PTPRD: variants seen among roughly 807,000 people sequenced by gnomAD.
The protein encoded by PTPRD is receptor-type tyrosine-protein phosphatase delta.
Under a neutral mutation model 214.5 loss-of-function variants are expected in PTPRD, and 34 were observed. The observed-to-expected ratio is 0.16, with a 90% CI of 0.12 to 0.21. The LOEUF is 0.21. Among genes scored for constraint, PTPRD ranks in the 10% least tolerant of loss-of-function variants. PTPRD has a pLI of 1.00. For missense variants in PTPRD, 2,545 were observed against 2,398.7 expected (o/e 1.06, Z -1.27); for synonymous variants, 1,128 against 845.7 (o/e 1.33, Z -5.79).
Position 8,314,251 on chromosome 9 carries a change from A to G in PTPRD, c.*3623T>C. 1 of 208,488 alleles carries G rather than the reference A, an allele frequency of 4.8e-6. No homozygotes were observed. Among genetic ancestry groups the G allele is most frequent in the Non-Finnish European group, 9.8e-6 (1 of 102,022 alleles). The allele number at this position is 208,488 out of a possible 1,614,324, so 12.9% of individuals were successfully genotyped here. A position where few individuals can be genotyped will look rare whatever the true frequency, so the allele number is the denominator to read the frequency against. On this transcript the variant is annotated 3_prime_UTR_variant, in exon 46 of 46. Transcript: ENST00000381196. ...ACAAAAGCAAAGGCCAGGGCTGCAT[A>G]ACACTGACATTTTTATTAGAATTCA...
chr9:9,876,300 A>T (rs1318679527), intron 5 of PTPRD, among the ~76,000 whole-genome samples: 1 of 152,154 alleles, frequency 6.6e-6, no homozygotes, highest in Non-Finnish European at 1.5e-5. Context: ...AATCCTACTA[A>T]ATGAAACAAT....
chr9:9,770,933 T>C (rs534033917), intron 5 of PTPRD, among the ~76,000 whole-genome samples: 305 of 152,248 alleles, frequency 2.0e-3, no homozygotes, highest in Non-Finnish European at 3.8e-3. Context: ...TACTTGGAAA[T>C]GGTCAAATAT....
intron 2 of PTPRD, among the ~76,000 whole-genome samples, chr9:10,485,858 T>A (rs1589239975): frequency 6.6e-6 from 1 of 152,114 alleles, no homozygotes; most frequent in African/African-American, 2.4e-5. Context: ...ATTGTTCAGT[T>A]TATTGGCAGG....
intron 5 of PTPRD, among the ~76,000 whole-genome samples, chr9:9,784,441 A>G (rs2098899887): frequency 6.6e-6 from 1 of 152,084 alleles, no homozygotes; most frequent in African/African-American, 2.4e-5. Flanking sequence ...GGAAAAAGAT[A>G]TTATTTTAAG....
At chr9:9,668,405 G>C (rs1023140246) in intron 7 of PTPRD, among the ~76,000 whole-genome samples, 1 of 152,096 alleles carries the variant, frequency 6.6e-6, no homozygotes, top group Non-Finnish European at 1.5e-5. Context: ...AATTAGGCCT[G>C]ATTTGGTTAC....
intron 5 of PTPRD, among the ~76,000 whole-genome samples, chr9:9,786,316 T>C: frequency 6.6e-6 from 1 of 152,218 alleles, no homozygotes; most frequent in East Asian, 1.9e-4. Flanking sequence ...TGAGAATTAT[T>C]GATACATTTG....
chr9:10,421,984 T>C (rs568962916), intron 2 of PTPRD, among the ~76,000 whole-genome samples: 1 of 152,000 alleles, frequency 6.6e-6, no homozygotes, highest in Admixed American at 6.6e-5. Context: ...TCATTCATTA[T>C]AGAAATATTC....
chr9:9,349,744 G>A (rs1477019557), intron 9 of PTPRD, among the ~76,000 whole-genome samples: 1 of 150,232 alleles, frequency 6.7e-6, no homozygotes, highest in African/African-American at 2.5e-5. Flanking sequence ...CACTTAAGTG[G>A]CACCCATCAC....
intron 2 of PTPRD, among the ~76,000 whole-genome samples, chr9:10,537,486 T>C (rs1262797262): frequency 6.6e-6 from 1 of 152,168 alleles, no homozygotes; most frequent in Non-Finnish European, 1.5e-5. Flanking sequence ...AAATTGGGCA[T>C]TAACATAAAC....
chr9:10,143,342 T>C (rs1397048160), intron 3 of PTPRD, among the ~76,000 whole-genome samples: 1 of 151,690 alleles, frequency 6.6e-6, no homozygotes, highest in East Asian at 1.9e-4. Flanking sequence ...GAAATGCAAA[T>C]CAAAACCACA....
intron 11 of PTPRD, among the ~76,000 whole-genome samples, chr9:8,803,671 C>T (rs1355900623): frequency 1.3e-5 from 2 of 151,816 alleles, no homozygotes; most frequent in East Asian, 3.9e-4. Context: ...CTACAGAAAG[C>T]TGTGATCGGC....
At position 8,726,986 on chromosome 9, in the gene PTPRD, G is replaced by A. The variant is rs998906416; in HGVS notation, c.64+6794C>T. Among the ~76,000 whole-genome samples the A allele has an allele frequency of 3.1e-4, 47 of 151,228 alleles. 2 individuals carry two copies. On this transcript the variant is annotated intron_variant, in intron 12 of 45. Coordinates refer to ENST00000381196, the MANE Select transcript of PTPRD (RefSeq NM_002839.4). ...CAGACCCTGTCTCAAAAAAGAAAGG[G>A]AAAAGAAAAAGAAGTAGATCAGGTA... is the stretch of plus-strand genomic sequence containing the variant.
At chr9:9,840,533 G>A (rs2058041060) in intron 5 of PTPRD, among the ~76,000 whole-genome samples, 1 of 151,910 alleles carries the variant, frequency 6.6e-6, no homozygotes, top group Non-Finnish European at 1.5e-5. Flanking sequence ...TTTCATTGGA[G>A]TAAGGAGCCA....
At chr9:8,355,249 C>T (rs1394080855) in intron 39 of PTPRD, among the ~76,000 whole-genome samples, 4 of 152,172 alleles carry the variant, frequency 2.6e-5, no homozygotes, top group Admixed American at 6.5e-5. Context: ...TTTTGCCTTC[C>T]ACCAAACTTC....
chr9:8,643,425 G>C (rs1479172363), intron 12 of PTPRD, among the ~76,000 whole-genome samples: 1 of 152,116 alleles, frequency 6.6e-6, no homozygotes, highest in Non-Finnish European at 1.5e-5. Flanking sequence ...CAGTAAGGAG[G>C]AGTCACTGAG....
At chr9:9,430,601 C>T (rs995062667) in intron 8 of PTPRD, among the ~76,000 whole-genome samples, 2 of 152,146 alleles carry the variant, frequency 1.3e-5, no homozygotes, top group African/African-American at 4.8e-5. Flanking sequence ...CCAAGACAAT[C>T]CTAAGCCAAA....
chr9:8,723,944 T>G (rs1002326804), intron 12 of PTPRD, among the ~76,000 whole-genome samples: 1 of 152,240 alleles, frequency 6.6e-6, no homozygotes, highest in Non-Finnish European at 1.5e-5. Flanking sequence ...TTACTGTAAA[T>G]AACTGCCACA....
chr9:10,255,153 C>T lies in PTPRD; in HGVS notation c.-545+85810G>A, dbSNP rs142255576. ...GCTCTGCTAACCTCAAAGAGTTGCT[C>T]TTTCACATGAGGTGATTTAAAATAG... On this transcript the variant is annotated intron_variant, in intron 3 of 45. Transcript: ENST00000381196. Among the ~76,000 whole-genome samples the T allele has an allele frequency of 9.9e-5, 15 of 152,278 alleles. No individual in the cohort carries two copies. In the East Asian group the frequency reaches 2.5e-3, roughly 25 times the overall value.
At chr9:9,091,022 G>T in intron 10 of PTPRD, 2 of 1,565,976 alleles carry the variant, frequency 1.3e-6, no homozygotes, top group Non-Finnish European at 1.7e-6. Flanking sequence ...TTCGTCATTC[G>T]AAACATAGTG....
Sources: allele counts gnomAD v4.1 joint callset (sites outside exome capture counted in the v4.1 genomes callset), GRCh38; gene constraint gnomAD v4.1.1; transcripts MANE v1.5; gene names NCBI Gene and HGNC (gene_info 2026-07-23, HGNC 2026-07-21).